The following TMPRSS15 variants were observed in gnomAD, a reference collection of about 807,000 sequenced individuals.
The protein encoded by TMPRSS15 is enteropeptidase.
In TMPRSS15, 128 loss-of-function variants were observed where a neutral mutation model predicts 125.3. The ratio of observed to expected loss-of-function variants is 1.02; its 90% CI spans 0.89 to 1.18. The LOEUF is 1.18. Ranked by LOEUF, TMPRSS15 falls within the 50% of genes most tolerant of loss-of-function variation. The pLI, the probability that TMPRSS15 is intolerant of heterozygous loss-of-function variation, is 0.00. For synonymous variants in TMPRSS15, 446 were observed against 423.2 expected, an observed-to-expected ratio of 1.05 and a Z score of -0.66; for missense variants, 1,283 against 1,212.7, an observed-to-expected ratio of 1.06 and a Z score of -0.86.
intron 5 of TMPRSS15, among the ~76,000 whole-genome samples, chr21:18,374,493 A>AAAAG: frequency 6.6e-6 from 1 of 150,648 alleles, no homozygotes; most frequent in Admixed American, 6.6e-5. Context: ...AAAAAAAAAA[A>AAAAG]AAAAAAAAAA....
chr21:18,449,403 G>A (rs980868235), intron 1 of TMPRSS15, among the ~76,000 whole-genome samples: 1 of 152,050 alleles, frequency 6.6e-6, no homozygotes, highest in African/African-American at 2.4e-5. Context: ...AGAACCACTA[G>A]TGTGTGTTCT....
intron 6 of TMPRSS15, among the ~76,000 whole-genome samples, chr21:18,367,502 T>C (rs1429969097): frequency 6.7e-6 from 1 of 150,068 alleles, no homozygotes; most frequent in African/African-American, 2.4e-5. Flanking sequence ...AAAACAAAAA[T>C]GGCATTTGCT....
chr21:18,297,954 G>A, intron 18 of TMPRSS15, 125 bp from the exon 19 acceptor site: 1 of 676,074 alleles, frequency 1.5e-6, no homozygotes, highest in East Asian at 2.8e-5. Context: ...CCAAAAAAAT[G>A]AACGTTTTAA....
intron 23 of TMPRSS15, among the ~76,000 whole-genome samples, chr21:18,276,750 G>T (rs964876274): frequency 6.9e-6 from 1 of 144,726 alleles, no homozygotes; most frequent in Non-Finnish European, 1.5e-5. Flanking sequence ...TTGAAAACTG[G>T]GATTCTTTTT....
intron 4 of TMPRSS15, among the ~76,000 whole-genome samples, chr21:18,380,371 C>T (rs1226601841): frequency 6.6e-6 from 1 of 151,988 alleles, no homozygotes; most frequent in Admixed American, 6.6e-5. Flanking sequence ...GCATTAGGAA[C>T]ATTGTAATAT....
chr21:18,394,624 C>T (rs1314744031), intron 3 of TMPRSS15, among the ~76,000 whole-genome samples: 1 of 150,670 alleles, frequency 6.6e-6, no homozygotes, highest in Non-Finnish European at 1.5e-5. Context: ...ATCCATGAAC[C>T]ATATAAACTG....
intron 1 of TMPRSS15, among the ~76,000 whole-genome samples, chr21:18,446,665 A>G (rs890712702): frequency 5.9e-5 from 9 of 152,182 alleles, no homozygotes; most frequent in African/African-American, 2.2e-4. Context: ...GATTTTCAAC[A>G]GGCACGGAAA....
chr21:18,279,209 A>G (rs1248242768), intron 22 of TMPRSS15, 150 bp from the exon 23 acceptor site: 2 of 576,184 alleles, frequency 3.5e-6, no homozygotes, highest in Non-Finnish European at 6.2e-6. Context: ...AATTTTAGAC[A>G]TCGGTCTTAG....
At chr21:18,367,948 C>T (rs1233240978) in intron 6 of TMPRSS15, among the ~76,000 whole-genome samples, 8 of 152,120 alleles carry the variant, frequency 5.3e-5, no homozygotes, top group African/African-American at 1.4e-4. Context: ...ACATCACCCA[C>T]TCTTTGAACT....
chr21:18,373,641 G>A (rs549997766), intron 5 of TMPRSS15, among the ~76,000 whole-genome samples: 1 of 152,248 alleles, frequency 6.6e-6, no homozygotes, highest in South Asian at 2.1e-4. Context: ...TTTACAAGTA[G>A]CTAATAGAAT....
upstream of TMPRSS15, among the ~76,000 whole-genome samples, chr21:18,405,698 A>C (rs1336022833): frequency 2.0e-5 from 3 of 152,204 alleles, no homozygotes; most frequent in Non-Finnish European, 4.4e-5. Flanking sequence ...CTCCATCTTC[A>C]CATGAAGAAC....
intron 1 of TMPRSS15, among the ~76,000 whole-genome samples, chr21:18,454,419 A>T (rs1393156920): frequency 1.3e-5 from 2 of 152,152 alleles, no homozygotes; most frequent in African/African-American, 4.8e-5. Context: ...TAGGATATAT[A>T]TAGAGATATA....
chr21:18,357,509 C>G (rs1331565908), intron 8 of TMPRSS15, among the ~76,000 whole-genome samples: 4 of 151,518 alleles, frequency 2.6e-5, no homozygotes, highest in Non-Finnish European at 4.4e-5. Flanking sequence ...TCCCACTTAC[C>G]CTAAGTAAAA....
At chr21:18,336,357 C>T (rs79169940) in intron 13 of TMPRSS15, among the ~76,000 whole-genome samples, 4,128 of 152,084 alleles carry the variant, frequency 0.027, 172 homozygotes, top group African/African-American at 0.094. Context: ...TAAAAAGTGG[C>T]TAATTTTCAA....
chr21:18,323,702 G>C (rs2075262887), intron 16 of TMPRSS15, among the ~76,000 whole-genome samples: 1 of 151,936 alleles, frequency 6.6e-6, no homozygotes, highest in African/African-American at 2.4e-5. Flanking sequence ...TTCTTTAAAA[G>C]TATAATACTT....
At chr21:18,358,996 C>A (rs962678012) in intron 8 of TMPRSS15, among the ~76,000 whole-genome samples, 2 of 151,976 alleles carry the variant, frequency 1.3e-5, no homozygotes, top group African/African-American at 4.8e-5. Flanking sequence ...AGCTCTAGAA[C>A]AGTTAACTAT....
intron 23 of TMPRSS15, among the ~76,000 whole-genome samples, chr21:18,278,398 T>C (rs1397505288): frequency 6.6e-6 from 1 of 152,084 alleles, no homozygotes; most frequent in Non-Finnish European, 1.5e-5. Flanking sequence ...ATATCTTCTA[T>C]GCAATCTGAA....
chr21:18,337,076 G>A (rs2075399496), intron 13 of TMPRSS15, among the ~76,000 whole-genome samples: 1 of 152,158 alleles, frequency 6.6e-6, no homozygotes. Flanking sequence ...CTTTTCCCCA[G>A]AGAGACAGGG....
At chr21:18,378,605 G>A (rs528133179) in intron 5 of TMPRSS15, among the ~76,000 whole-genome samples, 1 of 151,854 alleles carries the variant, frequency 6.6e-6, no homozygotes, top group Non-Finnish European at 1.5e-5. Context: ...TAACATGGTA[G>A]TGATATTGTT....
Sources: gnomAD v4.1 joint callset for allele counts (sites outside exome capture counted in the v4.1 genomes callset) on GRCh38, gnomAD v4.1.1 for gene constraint, MANE v1.5 for transcripts, NCBI Gene and HGNC (gene_info 2026-07-23, HGNC 2026-07-21) for gene names.